Variants in UTRN observed in about 807,000 individuals in gnomAD.
UTRN encodes the protein dystrophin-related protein 1.
A neutral mutation model predicts 463.9 loss-of-function variants in UTRN; 283 were observed. That is an observed-to-expected ratio of 0.61 (90% CI 0.55 to 0.67). The LOEUF (loss-of-function observed/expected upper bound fraction) is 0.67, where lower values mean the gene tolerates loss of function less well. Among genes scored for constraint, UTRN ranks in the 30% least tolerant of loss-of-function variants. The pLI is 0.00. For synonymous variants in UTRN, 1,442 were observed against 1,431.5 expected, an observed-to-expected ratio of 1.01 and a Z score of -0.17; for missense variants, 3,922 against 4,084.3, an observed-to-expected ratio of 0.96 and a Z score of 1.08.
chr6:144,703,465 T>G (rs1784788414), intron 53 of UTRN, among the ~76,000 whole-genome samples: 1 of 152,152 alleles, frequency 6.6e-6, no homozygotes, highest in Middle Eastern at 3.4e-3. Context: ...AGGGAGAGAT[T>G]GTATGTGATT....
intron 50 of UTRN, among the ~76,000 whole-genome samples, chr6:144,566,327 G>A (rs1455461243): frequency 6.6e-6 from 1 of 152,078 alleles, no homozygotes; most frequent in Non-Finnish European, 1.5e-5. Flanking sequence ...GTAAATATAT[G>A]GTATTGCTGG....
Position 144,778,605 on chromosome 6 carries a change from C to CTAATAA in UTRN, c.8633-3295_8633-3290dup, listed in dbSNP as rs146368466. Reference sequence around the variant, plus strand: ...TGGGGAAGAGAAGATAGGGGAAATGCTAATAATAATAATAATAATAATAAT... The same window carrying CTAATAA: ...TGGGGAAGAGAAGATAGGGGAAATGCTAATAATAATAATAATAATAATAATAATAAT... On this transcript the variant is annotated intron_variant, in intron 60 of 74. Transcript: ENST00000367545. 1.1e-3 allele frequency among the ~76,000 whole-genome samples: 161 copies of CTAATAA among 148,724 alleles called. 1 individual carries two copies. The highest frequency in any genetic ancestry group is 3.5e-3 in the Middle Eastern group (1 of 284).
At position 144,548,292 on chromosome 6, in the gene UTRN, GA is replaced by G. The variant is rs1422981167; in HGVS notation, c.6596-341del. On this transcript the variant is annotated intron_variant, in intron 46 of 74. Transcript: ENST00000367545. ...ATATGCTCACATTATAAAGTTAAAT[GA>G]AAAAAATAAAAAATTATGAATAAGT... 8.6e-5 allele frequency among the ~76,000 whole-genome samples: 13 copies of G among 151,900 alleles called. No individual in the cohort carries two copies. The East Asian group carries it at 2.5e-3, about 29-fold the overall frequency.
intron 51 of UTRN, among the ~76,000 whole-genome samples, chr6:144,669,230 G>T (rs1448753076): frequency 2.0e-5 from 3 of 152,126 alleles, no homozygotes; most frequent in African/African-American, 7.2e-5. Flanking sequence ...AAATTTGTTA[G>T]ATTTATCTAA....
chr6:144,315,868 C>A (rs1775250449), intron 2 of UTRN, among the ~76,000 whole-genome samples: 2 of 152,158 alleles, frequency 1.3e-5, no homozygotes, highest in South Asian at 2.1e-4. Flanking sequence ...ATAGGTATTA[C>A]CATGATTTGC....
At position 144,846,717 on chromosome 6, in the gene UTRN, T is replaced by C. The variant is rs545368650; in HGVS notation, c.10271-88T>C. 8.9e-6 allele frequency: 14 copies of C among 1,566,854 alleles called. No individual in the cohort carries two copies. The African/African-American group carries it at 1.9e-4, about 21-fold the overall frequency. ...GCTATTATTACCCTATGTAGAGTGA[T>C]ACTTTCCACGCATTTGCATGCCTGA... On this transcript the variant is annotated intron_variant, in intron 73 of 74. Coordinates refer to ENST00000367545, the MANE Select transcript of UTRN (RefSeq NM_007124.3).
intron 69 of UTRN, among the ~76,000 whole-genome samples, chr6:144,830,305 G>A (rs998516277): frequency 2.6e-5 from 4 of 152,030 alleles, no homozygotes; most frequent in Admixed American, 6.5e-5. Context: ...TTAATATACT[G>A]TCATTATATA....
intron 2 of UTRN, among the ~76,000 whole-genome samples, chr6:144,351,405 C>G (rs1778097377): frequency 6.6e-6 from 1 of 152,118 alleles, no homozygotes; most frequent in South Asian, 2.1e-4. Context: ...TTTTTCACAT[C>G]AAAGCATTGA....
intron 47 of UTRN, 89 bp from the exon 48 acceptor site, chr6:144,550,873 AACG>A: frequency 5.3e-6 from 6 of 1,136,876 alleles, no homozygotes; most frequent in East Asian, 2.7e-5. Flanking sequence ...GGAGGAAAAC[AACG>A]ACAACTTTGA....
intron 54 of UTRN, among the ~76,000 whole-genome samples, chr6:144,736,244 T>A (rs759968708): frequency 6.6e-6 from 1 of 152,224 alleles, no homozygotes; most frequent in Admixed American, 6.5e-5. Context: ...ACATTAGTTA[T>A]CCTGTTTGAT....
intron 58 of UTRN, 112 bp from the exon 59 acceptor site, chr6:144,771,795 T>C (rs1197693853): frequency 1.3e-6 from 1 of 791,726 alleles, no homozygotes; most frequent in Non-Finnish European, 1.9e-6. Context: ...TAATTTTGCA[T>C]GTATTTTTAA....
intron 51 of UTRN, among the ~76,000 whole-genome samples, chr6:144,633,298 C>T (rs1320128308): frequency 6.8e-6 from 1 of 146,552 alleles, no homozygotes; most frequent in African/African-American, 2.6e-5. Flanking sequence ...GGCGCGATCT[C>T]GGCGCACTGC....
intron 34 of UTRN, among the ~76,000 whole-genome samples, chr6:144,499,986 G>A (rs899991608): frequency 6.6e-6 from 1 of 152,196 alleles, no homozygotes; most frequent in African/African-American, 2.4e-5. Flanking sequence ...TGGTGTATAT[G>A]TATCACATTT....
rs773915303 is a variant in UTRN, at chr6:144,523,144, T to A, written c.5862T>A (p.Asn1954Lys). Residue 1954 changes from asparagine (N) to lysine (K), a missense_variant, in exon 41 of 75, where the codon AAT becomes AAA. Asn to Lys is a moderately conservative substitution (Grantham distance 94, BLOSUM62 0). Coordinates refer to ENST00000367545, the MANE Select transcript of UTRN (RefSeq NM_007124.3). ...IQIRDTLTQL[N>K]AKWDRINRMY... ...TCAGAGATACACTTACTCAGCTGAATGCAAAATGGGACAGAATTAATAGAA... is the reference window on the plus strand; with the variant it reads ...TCAGAGATACACTTACTCAGCTGAAAGCAAAATGGGACAGAATTAATAGAA... 9.9e-6 allele frequency: 16 copies of A among 1,612,714 alleles called. No homozygotes were observed. The highest frequency in any genetic ancestry group is 1.6e-4 in the Middle Eastern group (1 of 6,082).
intron 51 of UTRN, among the ~76,000 whole-genome samples, chr6:144,672,937 A>C (rs971553703): frequency 6.6e-6 from 1 of 152,160 alleles, no homozygotes; most frequent in African/African-American, 2.4e-5. Context: ...CTGAAAGATC[A>C]TTCAGGAGCA....
At chr6:144,541,188 G>A (rs749853761) in intron 45 of UTRN, among the ~76,000 whole-genome samples, 17 of 152,312 alleles carry the variant, frequency 1.1e-4, no homozygotes, top group Non-Finnish European at 1.9e-4. Context: ...CTTGCTCAGG[G>A]TGAAAGCCAA....
At chr6:144,341,771 T>C (rs541797502) in intron 2 of UTRN, among the ~76,000 whole-genome samples, 1 of 152,376 alleles carries the variant, frequency 6.6e-6, no homozygotes, top group Admixed American at 6.5e-5. Context: ...TTCATTTCCT[T>C]ACCAGTTTTC....
At chr6:144,741,510 G>A (rs754123729) in intron 54 of UTRN, among the ~76,000 whole-genome samples, 2 of 152,148 alleles carry the variant, frequency 1.3e-5, no homozygotes, top group East Asian at 1.9e-4. Context: ...CTAGATACTC[G>A]GGATACAGTA....
intron 52 of UTRN, among the ~76,000 whole-genome samples, chr6:144,691,179 C>A (rs968003094): frequency 3.3e-5 from 5 of 152,150 alleles, no homozygotes; most frequent in Non-Finnish European, 7.4e-5. Flanking sequence ...TGCGATGGTG[C>A]AATCTTGGCT....
Sources: allele counts gnomAD v4.1 joint callset (sites outside exome capture counted in the v4.1 genomes callset), GRCh38; gene constraint gnomAD v4.1.1; transcripts MANE v1.5; gene names NCBI Gene and HGNC (gene_info 2026-07-23, HGNC 2026-07-21).